Variants in CPLANE1 observed in about 807,000 individuals in gnomAD.
CPLANE1 encodes ciliogenesis and planar polarity effector complex subunit 1.
A neutral mutation model predicts 362.5 loss-of-function variants in CPLANE1; 263 were observed. The ratio of observed to expected loss-of-function variants is 0.73; its 90% confidence interval spans 0.66 to 0.80. The LOEUF (loss-of-function observed/expected upper bound fraction) is 0.80. CPLANE1 is among the 30% of genes least tolerant of loss of function. The probability of loss-of-function intolerance (pLI) is 0.00; values close to 1 mark genes in which losing one functional copy is unlikely to be tolerated. For missense variants in CPLANE1, 3,461 were observed against 3,793.4 expected (o/e 0.91, Z 2.30); for synonymous variants, 1,212 against 1,302.6 (o/e 0.93, Z 1.50).
chr5:37,226,030 C>T (rs556000452), intron 12 of CPLANE1, among the ~76,000 whole-genome samples: 1 of 151,912 alleles, frequency 6.6e-6, no homozygotes, highest in South Asian at 2.1e-4. Context: ...TATAACATGA[C>T]ATATTTAACA....
chr5:37,157,643 T>A, intron 40 of CPLANE1, 27 bp downstream of exon 40: 1 of 1,582,984 alleles, frequency 6.3e-7, no homozygotes, highest in Non-Finnish European at 8.7e-7. Context: ...TCAAATTATA[T>A]TTGTTTTAAA....
At chr5:37,218,936 G>A (rs1232463015) in intron 15 of CPLANE1, among the ~76,000 whole-genome samples, 31 of 141,234 alleles carry the variant, frequency 2.2e-4, no homozygotes, top group Admixed American at 1.2e-3. Flanking sequence ...CCACAAGAGC[G>A]AAACTCCATC....
intron 51 of CPLANE1, among the ~76,000 whole-genome samples, chr5:37,110,122 A>G (rs1222207208): frequency 1.3e-5 from 2 of 152,102 alleles, no homozygotes; most frequent in South Asian, 2.1e-4. Context: ...TTCTTTCCAC[A>G]TGTTCTAAAA....
At chr5:37,162,381 A>T in intron 38 of CPLANE1, 84 bp downstream of exon 38, 1 of 831,394 alleles carries the variant, frequency 1.2e-6, no homozygotes, top group Non-Finnish European at 1.9e-6. Flanking sequence ...AATTCCCTTT[A>T]AATCACTGTC....
At chr5:37,188,669 A>C (rs1176065721) in intron 21 of CPLANE1, among the ~76,000 whole-genome samples, 3 of 152,252 alleles carry the variant, frequency 2.0e-5, no homozygotes, top group Non-Finnish European at 4.4e-5. Context: ...ACTACTGGGT[A>C]TCTACCCAGA....
At chr5:37,169,636 T>C in intron 33 of CPLANE1, 75 bp from the exon 34 acceptor site, 2 of 1,267,000 alleles carry the variant, frequency 1.6e-6, no homozygotes, top group South Asian at 1.5e-5. Context: ...GCATTCAGTA[T>C]GTTTTGCAGT....
chr5:37,189,271 A>G (rs565837057), intron 21 of CPLANE1, among the ~76,000 whole-genome samples: 100 of 152,322 alleles, frequency 6.6e-4, no homozygotes, highest in African/African-American at 2.3e-3. Flanking sequence ...GAACAGTTTG[A>G]CATTATGGAA....
Position 37,157,312 on chromosome 5 carries a change from C to G in CPLANE1, c.8119+1G>C, listed in dbSNP as rs1395523347. 7.4e-7 allele frequency: 1 copy of G among 1,359,450 alleles called. No homozygotes were observed. The highest frequency in any genetic ancestry group is 2.1e-4 in the Middle Eastern group (1 of 4,818). 84.2% of individuals were successfully genotyped at this position (1,359,450 alleles called of 1,614,324 possible). On this transcript the variant is annotated splice_donor_variant, in intron 41 of 52. Transcript: ENST00000651892. LOFTEE classifies it high-confidence loss of function. ...TCATGCTATACCTCTTGGCTGTTTA[C>G]CTTTGTTCTGCTGTATGTCTGATGG...
chr5:37,200,010 T>C (rs1467612472), intron 19 of CPLANE1, among the ~76,000 whole-genome samples: 1 of 152,192 alleles, frequency 6.6e-6, no homozygotes, highest in Non-Finnish European at 1.5e-5. Flanking sequence ...AAGGCATCCT[T>C]AGAAGCTGTT....
At chr5:37,188,027 A>G (rs888946491) in intron 21 of CPLANE1, among the ~76,000 whole-genome samples, 185 bp from the exon 22 acceptor site, 6 of 152,244 alleles carry the variant, frequency 3.9e-5, no homozygotes, top group African/African-American at 9.6e-5. Flanking sequence ...AGATTGACTT[A>G]TAAGTCACTA....
At chr5:37,192,072 C>A (rs1785690973) in intron 21 of CPLANE1, among the ~76,000 whole-genome samples, 1 of 152,030 alleles carries the variant, frequency 6.6e-6, no homozygotes, top group African/African-American at 2.4e-5. Flanking sequence ...GGTAAGTGAC[C>A]CATACTTACC....
intron 46 of CPLANE1, among the ~76,000 whole-genome samples, chr5:37,132,344 T>TTG (rs1489218683): frequency 1.2e-4 from 16 of 136,328 alleles, no homozygotes; most frequent in South Asian, 2.4e-4. Context: ...CAAGTTTTTT[T>TTG]TTTTTTTTTT....
At chr5:37,146,660 G>A (rs954615351) in intron 43 of CPLANE1, among the ~76,000 whole-genome samples, 9 of 151,972 alleles carry the variant, frequency 5.9e-5, no homozygotes, top group African/African-American at 1.7e-4. Context: ...TCTGGGTTTC[G>A]TTTCAAAATA....
At chr5:37,210,064 C>CA (rs983623541) in intron 16 of CPLANE1, 123 of 785,978 alleles carry the variant, frequency 1.6e-4, no homozygotes, top group Non-Finnish European at 1.9e-4. Flanking sequence ...AAAATGGAAG[C>CA]AAAAAAAAAG....
At position 37,227,049 on chromosome 5, in the gene CPLANE1, C is replaced by A; in HGVS notation, c.1546G>T (p.Glu516Ter). 6.5e-7 allele frequency: 1 copy of A among 1,546,162 alleles called. No individual in the cohort carries two copies. Among genetic ancestry groups the A allele is most frequent in the Non-Finnish European group, 8.7e-7 (1 of 1,144,796 alleles). The stretch of plus-strand genomic sequence containing the variant: ...AAGTTGTCTGGAAAGTGTCTGCCTT[C>A]GTTAGTTTCTTCTGCTTCAAAATCC... ...FQDFEAEETN[E>*]GRHFPDNLCP... Residue 516 changes from glutamate to a stop codon, truncating the protein, a stop_gained, in exon 12 of 53, where the codon GAA becomes TAA. Coordinates refer to ENST00000651892, the MANE Select transcript of CPLANE1 (RefSeq NM_001384732.1). LOFTEE classifies it high-confidence loss of function.
chr5:37,191,969 T>C (rs542447950), intron 21 of CPLANE1, among the ~76,000 whole-genome samples: 1 of 152,270 alleles, frequency 6.6e-6, no homozygotes, highest in Non-Finnish European at 1.5e-5. Context: ...TCTACAGTAG[T>C]GTATAGAAAT....
intron 16 of CPLANE1, chr5:37,212,326 A>G (rs1792842145): frequency 1.1e-6 from 1 of 894,720 alleles, no homozygotes; most frequent in Non-Finnish European, 1.9e-6. Flanking sequence ...CAATGTAGTG[A>G]CAAAGTCGAA....
At position 37,206,833 on chromosome 5, in the gene CPLANE1, A is replaced by T. The variant is rs538789992; in HGVS notation, c.2921-408T>A. 9.2e-5 allele frequency among the ~76,000 whole-genome samples: 14 copies of T among 152,134 alleles called. No individual in the cohort carries two copies. In the East Asian group the frequency reaches 2.7e-3, roughly 29 times the overall value. On this transcript the variant is annotated intron_variant, in intron 16 of 52. Coordinates refer to ENST00000651892, the MANE Select transcript of CPLANE1 (RefSeq NM_001384732.1). ...TACCGTGACATGGGTCACAATGTGC[A>T]ATTTATTACTGTGGGATGCTCAGAA... is the stretch of plus-strand genomic sequence containing the variant.
intron 9 of CPLANE1, among the ~76,000 whole-genome samples, chr5:37,229,226 A>G (rs989388337): frequency 4.6e-5 from 7 of 151,810 alleles, no homozygotes; most frequent in African/African-American, 7.3e-5. Context: ...CAAAAAAAAA[A>G]AAAAAAATTA....
Sources: gnomAD v4.1 joint callset for allele counts (sites outside exome capture counted in the v4.1 genomes callset) on GRCh38, gnomAD v4.1.1 for gene constraint, MANE v1.5 for transcripts, NCBI Gene and HGNC (gene_info 2026-07-23, HGNC 2026-07-21) for gene names.